Variants in PTP4A1 observed in about 807,000 individuals in gnomAD.
PTP4A1 encodes the protein protein tyrosine phosphatase 4A1.
In PTP4A1, 9 loss-of-function variants were observed where a neutral mutation model predicts 20.5. That is an observed-to-expected ratio of 0.44 (90% CI 0.26 to 0.77). The LOEUF (loss-of-function observed/expected upper bound fraction) is 0.77. Among genes scored for constraint, PTP4A1 ranks in the 30% least tolerant of loss-of-function variants. PTP4A1 has a pLI of 0.19. For missense variants in PTP4A1, 137 were observed against 218.8 expected, an observed-to-expected ratio of 0.63 and a Z score of 2.36; for synonymous variants, 78 against 67.4, an observed-to-expected ratio of 1.16 and a Z score of -0.77.
At chr6:63,577,377 A>C (rs1351217539) in intron 2 of PTP4A1, among the ~76,000 whole-genome samples, 1 of 152,168 alleles carries the variant, frequency 6.6e-6, no homozygotes, top group Non-Finnish European at 1.5e-5. Context: ...CCAATTTTCA[A>C]CTACAAATTC....
intron 2 of PTP4A1, among the ~76,000 whole-genome samples, chr6:63,535,368 C>G (rs1775672464): frequency 2.0e-5 from 3 of 151,946 alleles, no homozygotes; most frequent in South Asian, 2.1e-4. Flanking sequence ...ACTTGGGTGC[C>G]TGAGGCACGA....
At chr6:63,560,338 C>CA (rs369689231) in intron 3 of PTP4A1, among the ~76,000 whole-genome samples, 1,085 of 49,584 alleles carry the variant, frequency 0.022, 20 homozygotes, top group Admixed American at 0.048. Flanking sequence ...GACTCCGTCT[C>CA]AAAAAAAAAA....
chr6:63,560,402 C>CTT (rs915922722), intron 3 of PTP4A1, among the ~76,000 whole-genome samples: 5 of 141,582 alleles, frequency 3.5e-5, no homozygotes, highest in Non-Finnish European at 7.7e-5. Flanking sequence ...AACACAAAGC[C>CTT]TTTTTTTTTT....
chr6:63,552,773 A>G (rs1276903925), intron 3 of PTP4A1, among the ~76,000 whole-genome samples: 1 of 152,298 alleles, frequency 6.6e-6, no homozygotes, highest in African/African-American at 2.4e-5. Flanking sequence ...TTTTCCCAAC[A>G]CCATTTATTA....
chr6:63,567,201 T>A (rs1468900641), intron 3 of PTP4A1, among the ~76,000 whole-genome samples: 3 of 152,244 alleles, frequency 2.0e-5, no homozygotes, highest in Non-Finnish European at 2.9e-5. Flanking sequence ...CTCATGAATG[T>A]TCTTAATGGC....
At chr6:63,526,679 G>A (rs1775192985) in intron 1 of PTP4A1, among the ~76,000 whole-genome samples, 1 of 151,168 alleles carries the variant, frequency 6.6e-6, no homozygotes, top group South Asian at 2.1e-4. Flanking sequence ...GTGGTGGCGT[G>A]TGCCTGTAGT....
intron 2 of PTP4A1, among the ~76,000 whole-genome samples, chr6:63,531,515 T>A (rs1464838553): frequency 6.7e-6 from 1 of 148,392 alleles, no homozygotes; most frequent in Non-Finnish European, 1.5e-5. Context: ...TATTATGCTT[T>A]TTTTTTTTTT....
intron 3 of PTP4A1, among the ~76,000 whole-genome samples, chr6:63,567,134 T>G (rs1332939947): frequency 6.6e-6 from 1 of 152,224 alleles, no homozygotes; most frequent in Non-Finnish European, 1.5e-5. Context: ...AGGTCATCCA[T>G]GAGAGTTGGA....
chr6:63,533,318 G>A (rs1461033024), intron 2 of PTP4A1, among the ~76,000 whole-genome samples: 1 of 152,158 alleles, frequency 6.6e-6, no homozygotes, highest in African/African-American at 2.4e-5. Context: ...GGAGGCAGAG[G>A]TTACAGTGAG....
chr6:63,552,844 T>C (rs1254647473), intron 3 of PTP4A1, among the ~76,000 whole-genome samples: 1 of 152,230 alleles, frequency 6.6e-6, no homozygotes, highest in African/African-American at 2.4e-5. Context: ...CAGATGATTG[T>C]AGATGTGTGG....
At chr6:63,564,852 T>C (rs1278523197) in intron 3 of PTP4A1, among the ~76,000 whole-genome samples, 2 of 151,832 alleles carry the variant, frequency 1.3e-5, no homozygotes, top group Admixed American at 6.6e-5. Context: ...ATAAGAAGAG[T>C]CTTCTCAAAC....
chr6:63,572,336 GCGGCCGC>G (rs1777485534), upstream of PTP4A1: 1 of 265,680 alleles, frequency 3.8e-6, no homozygotes, highest in African/African-American at 2.2e-5. Context: ...CACACCGGCG[GCGGCCGC>G]CGCGGAGTGA....
At chr6:63,549,056 T>C in intron 2 of PTP4A1, 1 of 721,072 alleles carries the variant, frequency 1.4e-6, no homozygotes. Context: ...CCGGCTGAGC[T>C]TTCTTATTCT....
intron 2 of PTP4A1, among the ~76,000 whole-genome samples, chr6:63,577,966 T>C (rs16894454): frequency 0.08 from 11,304 of 141,622 alleles, 471 homozygotes; most frequent in East Asian, 0.16. Context: ...TGGGCTTTTT[T>C]ACTGTAGTTA....
chr6:63,559,752 GA>G (rs200540179), intron 3 of PTP4A1, among the ~76,000 whole-genome samples: 56 of 147,458 alleles, frequency 3.8e-4, no homozygotes, highest in African/African-American at 1.2e-3. Context: ...CTCAAAAGAG[GA>G]AAAAAAAAAT....
chr6:63,517,422 G>C (rs376999861), upstream of PTP4A1, among the ~76,000 whole-genome samples: 6 of 152,092 alleles, frequency 3.9e-5, no homozygotes, highest in Non-Finnish European at 8.8e-5. Flanking sequence ...TAGTCTGAAG[G>C]ACTCTGAATT....
At chr6:63,523,430 A>T (rs1775024082) in intron 1 of PTP4A1, among the ~76,000 whole-genome samples, 1 of 152,030 alleles carries the variant, frequency 6.6e-6, no homozygotes, top group African/African-American at 2.4e-5. Flanking sequence ...GCTACTCGGG[A>T]GGTTTGAACC....
chr6:63,536,902 C>T (rs1775753598), intron 2 of PTP4A1, among the ~76,000 whole-genome samples: 1 of 151,916 alleles, frequency 6.6e-6, no homozygotes, highest in Non-Finnish European at 1.5e-5. Context: ...TAAAATTTTC[C>T]TCAAAGCAAA....
chr6:63,517,555 C>A (rs1186033555), upstream of PTP4A1, among the ~76,000 whole-genome samples: 1 of 151,978 alleles, frequency 6.6e-6, no homozygotes, highest in Non-Finnish European at 1.5e-5. Context: ...GCACTATGAA[C>A]AAAAGAAACA....
Sources: allele counts gnomAD v4.1 joint callset (sites outside exome capture counted in the v4.1 genomes callset), GRCh38; gene constraint gnomAD v4.1.1; transcripts MANE v1.5; gene names NCBI Gene and HGNC (gene_info 2026-07-23, HGNC 2026-07-21).